Variants in C16orf78 observed in about 807,000 individuals in gnomAD.
The protein encoded by C16orf78 is chromosome 16 open reading frame 78.
A neutral mutation model predicts 27.3 loss-of-function variants in C16orf78; 19 were observed. The observed-to-expected ratio is 0.70, with a 90% CI of 0.49 to 1.02. C16orf78 has a LOEUF of 1.02. Ranked by LOEUF, C16orf78 falls within the 50% of genes least tolerant of loss-of-function variation. The probability of loss-of-function intolerance (pLI) is 0.00; values close to 1 mark genes in which losing one functional copy is unlikely to be tolerated. For synonymous variants in C16orf78, 130 were observed against 116.1 expected (o/e 1.12, Z -0.77); for missense variants, 339 against 337.0 (o/e 1.01, Z -0.05).
intron 3 of C16orf78, among the ~76,000 whole-genome samples, chr16:49,386,103 A>G (rs1161964765): frequency 6.6e-6 from 1 of 152,220 alleles, no homozygotes; most frequent in African/African-American, 2.4e-5. Flanking sequence ...AAACTGTCAC[A>G]AGAAAAAAAG....
At chr16:49,382,045 A>G (rs1321720730) in intron 3 of C16orf78, among the ~76,000 whole-genome samples, 1 of 152,212 alleles carries the variant, frequency 6.6e-6, no homozygotes, top group Non-Finnish European at 1.5e-5. Context: ...CTGGATTAAG[A>G]AAATGTGGCA....
chr16:49,398,691 G>T (rs912190730), intron 4 of C16orf78, among the ~76,000 whole-genome samples: 1 of 152,122 alleles, frequency 6.6e-6, no homozygotes, highest in Admixed American at 6.5e-5. Flanking sequence ...CATTCTAACT[G>T]TGGCCTTTTA....
At chr16:49,391,812 TG>T (rs1965416038) in intron 3 of C16orf78, among the ~76,000 whole-genome samples, 2 of 152,160 alleles carry the variant, frequency 1.3e-5, no homozygotes, top group Non-Finnish European at 2.9e-5. Context: ...TCAGGAAAGG[TG>T]ATTGCCCTTT....
intron 3 of C16orf78, among the ~76,000 whole-genome samples, chr16:49,380,333 C>T (rs910885524): frequency 1.6e-4 from 25 of 152,120 alleles, no homozygotes; most frequent in Non-Finnish European, 3.1e-4. Flanking sequence ...TCGATGGAAC[C>T]TTGATTAATA....
At chr16:49,381,521 A>G (rs1032429472) in intron 3 of C16orf78, among the ~76,000 whole-genome samples, 22 of 152,192 alleles carry the variant, frequency 1.4e-4, no homozygotes, top group Non-Finnish European at 2.9e-4. Flanking sequence ...CTCATCTGAC[A>G]AAGGGCTAAT....
intron 4 of C16orf78, among the ~76,000 whole-genome samples, chr16:49,397,527 T>A (rs1016580554): frequency 2.0e-5 from 3 of 152,168 alleles, no homozygotes; most frequent in Non-Finnish European, 4.4e-5. Flanking sequence ...CAGGGAGAGA[T>A]CTCAGCAGAC....
chr16:49,383,467 G>T (rs1017727533), intron 3 of C16orf78, among the ~76,000 whole-genome samples: 1 of 152,206 alleles, frequency 6.6e-6, no homozygotes, highest in Non-Finnish European at 1.5e-5. Flanking sequence ...CAATGTGGAA[G>T]TTGGATGTCA....
chr16:49,377,769 T>A lies in C16orf78; in HGVS notation c.189T>A (p.Asn63Lys). The change falls in exon 2 of 5, where the codon AAT becomes AAA. Residue 63 changes from asparagine to lysine, a missense_variant. Transcript: ENST00000299191. ...KPKVVTVLKR[N>K]KKKEEKKGKG... ...AAGTGGTGACAGTCCTTAAACGAAA[T>A]AAGAAGAAGGAAGAGAAGAAAGGCA... The A allele has an allele frequency of 6.2e-7, 1 of 1,601,196 alleles. No homozygotes were observed. Among genetic ancestry groups the A allele is most frequent in the Non-Finnish European group, 8.5e-7 (1 of 1,174,006 alleles).
chr16:49,394,990 C>T (rs152669), intron 3 of C16orf78, among the ~76,000 whole-genome samples: 6,767 of 152,148 alleles, frequency 0.044, 413 homozygotes, highest in African/African-American at 0.13. Flanking sequence ...ACCTCAACCT[C>T]CCAAGTAGCT....
intron 3 of C16orf78, among the ~76,000 whole-genome samples, chr16:49,395,260 TG>T (rs1411514478): frequency 1.3e-5 from 2 of 152,072 alleles, no homozygotes; most frequent in African/African-American, 4.8e-5. Context: ...CAGTTAGAAA[TG>T]GAAATGAGTA....
intron 3 of C16orf78, among the ~76,000 whole-genome samples, chr16:49,382,214 C>T (rs1246232284): frequency 2.0e-5 from 3 of 151,784 alleles, no homozygotes; most frequent in East Asian, 1.9e-4. Context: ...AATTGAACAA[C>T]GAGATCACAT....
At chr16:49,388,865 T>C (rs1965379477) in intron 3 of C16orf78, among the ~76,000 whole-genome samples, 1 of 152,182 alleles carries the variant, frequency 6.6e-6, no homozygotes, top group Non-Finnish European at 1.5e-5. Flanking sequence ...TTTATTGCAC[T>C]GCACAAAACA....
chr16:49,398,318 C>T (rs1965498507), intron 4 of C16orf78, among the ~76,000 whole-genome samples: 1 of 152,162 alleles, frequency 6.6e-6, no homozygotes, highest in Non-Finnish European at 1.5e-5. Context: ...AGTAGGGGGC[C>T]TACACCCTAT....
At chr16:49,393,886 A>G (rs768343444) in intron 3 of C16orf78, among the ~76,000 whole-genome samples, 3 of 152,092 alleles carry the variant, frequency 2.0e-5, no homozygotes, top group Non-Finnish European at 4.4e-5. Context: ...AATACACAAG[A>G]TTTTATGTGA....
At chr16:49,377,927 T>A (rs912896488) in intron 2 of C16orf78, 77 bp downstream of exon 2, 37 of 1,503,062 alleles carry the variant, frequency 2.5e-5, no homozygotes, top group Non-Finnish European at 3.3e-5. Context: ...CTCTCCTGCA[T>A]AATGCCTGCC....
In C16orf78 at chr16:49,373,815, T is replaced by C; in HGVS notation, c.-125T>C. The C allele has an allele frequency of 8.3e-7, 1 of 1,198,054 alleles. No individual in the cohort carries two copies. Among genetic ancestry groups the C allele is most frequent in the Non-Finnish European group, 1.2e-6 (1 of 851,396 alleles). 74.2% of individuals were successfully genotyped at this position (1,198,054 alleles called of 1,614,324 possible). A position where few individuals can be genotyped will look rare whatever the true frequency, so the allele number is the denominator to read the frequency against. On this transcript the variant is annotated 5_prime_UTR_variant, in exon 1 of 5. Coordinates refer to ENST00000299191, the MANE Select transcript of C16orf78 (RefSeq NM_144602.4). ...CAGGGTCTTGGCTCACTCTGCCCTT[T>C]ATGTTCACATCTGGAGGCCACACCC...
chr16:49,399,313 T>C lies in C16orf78; in HGVS notation c.*35T>C. 1.2e-6 allele frequency: 2 copies of C among 1,610,802 alleles called. No individual in the cohort carries two copies. Among genetic ancestry groups the C allele is most frequent in the East Asian group, 2.2e-5 (1 of 44,846 alleles). ...CTCGCCACCACCTTCAGGCTCCTTC[T>C]GTCATGGGACCCTTCACCTCCAGAT... On this transcript the variant is annotated 3_prime_UTR_variant, in exon 5 of 5. Coordinates refer to ENST00000299191, the MANE Select transcript of C16orf78 (RefSeq NM_144602.4).
intron 3 of C16orf78, among the ~76,000 whole-genome samples, chr16:49,394,140 A>G (rs1335658035): frequency 1.3e-5 from 2 of 152,158 alleles, no homozygotes; most frequent in Non-Finnish European, 2.9e-5. Context: ...ACATTTAAAG[A>G]GCAAATAATT....
intron 3 of C16orf78, among the ~76,000 whole-genome samples, chr16:49,392,090 G>A (rs556301814): frequency 2.0e-5 from 3 of 152,274 alleles, no homozygotes; most frequent in East Asian, 1.9e-4. Flanking sequence ...AGGTCTAGAC[G>A]CATTTCCACT....
Sources: allele counts gnomAD v4.1 joint callset (sites outside exome capture counted in the v4.1 genomes callset), GRCh38; gene constraint gnomAD v4.1.1; transcripts MANE v1.5; gene names NCBI Gene and HGNC (gene_info 2026-07-23, HGNC 2026-07-21).